The following ANKRD33B variants were observed in gnomAD, a reference collection of about 807,000 sequenced individuals.
ANKRD33B encodes the protein ankyrin repeat domain-containing protein 33B.
ANKRD33B carries 6 observed loss-of-function variants against 21.5 expected under a neutral mutation model. The ratio of observed to expected loss-of-function variants is 0.28; its 90% CI spans 0.15 to 0.55. The LOEUF is 0.55. ANKRD33B is among the 20% of genes least tolerant of loss of function. ANKRD33B has a pLI of 0.94. For missense variants in ANKRD33B, 698 were observed against 747.2 expected, an observed-to-expected ratio of 0.93 and a Z score of 0.77; for synonymous variants, 347 against 342.4, an observed-to-expected ratio of 1.01 and a Z score of -0.15.
In ANKRD33B at chr5:10,652,767, C is replaced by A; in HGVS notation, c.*2654C>A. On this transcript the variant is annotated 3_prime_UTR_variant, in exon 4 of 4. Coordinates refer to ENST00000296657, the MANE Select transcript of ANKRD33B (RefSeq NM_001164440.2). This position sits in a 1 kb window ranked among gnomAD's most constrained non-coding sequence, Gnocchi z 4.1. Reference sequence around the variant, plus strand: ...GGCCCTGCCCCCGATGTGTTCCAGCCTCATCCAGGTGCACAGGATACTCTG... The same window carrying A: ...GGCCCTGCCCCCGATGTGTTCCAGCATCATCCAGGTGCACAGGATACTCTG... 3.9e-6 allele frequency: 1 copy of A among 254,088 alleles called. No individual in the cohort carries two copies. Among genetic ancestry groups the A allele is most frequent in the Non-Finnish European group, 8.2e-6 (1 of 121,554 alleles). The allele number at this position is 254,088 out of a possible 1,614,324, so 15.7% of individuals were successfully genotyped here.
intron 1 of ANKRD33B, among the ~76,000 whole-genome samples, chr5:10,591,196 T>TTTTTTG (rs1491589126): frequency 1.7e-5 from 1 of 58,878 alleles, no homozygotes; most frequent in African/African-American, 6.6e-5. Context: ...TTTTTAGTGG[T>TTTTTTG]TTTTTTTTTT....
At position 10,624,114 on chromosome 5, in the gene ANKRD33B, G is replaced by A. The variant is rs552848006; in HGVS notation, c.496+5652G>A. Among the ~76,000 whole-genome samples, 38 of 146,760 alleles carry A rather than the reference G, an allele frequency of 2.6e-4. No homozygotes were observed. In the South Asian group the frequency reaches 7.5e-3, roughly 29 times the overall value. Reference sequence around the variant, plus strand: ...TTTTCTTTACTTCTTGTTTTCTTTCGTTCTTTCTTTCTTTTCTTTTTTTTT... The same window carrying A: ...TTTTCTTTACTTCTTGTTTTCTTTCATTCTTTCTTTCTTTTCTTTTTTTTT... On this transcript the variant is annotated intron_variant, in intron 2 of 3. Coordinates refer to ENST00000296657, the MANE Select transcript of ANKRD33B (RefSeq NM_001164440.2).
At chr5:10,593,513 G>T (rs921575020) in intron 1 of ANKRD33B, among the ~76,000 whole-genome samples, 1 of 151,922 alleles carries the variant, frequency 6.6e-6, no homozygotes, top group African/African-American at 2.4e-5. Flanking sequence ...GCCTTGTACT[G>T]TACCTCACCT....
chr5:10,590,902 A>G (rs1404663484), intron 1 of ANKRD33B, among the ~76,000 whole-genome samples: 1 of 152,128 alleles, frequency 6.6e-6, no homozygotes, highest in Non-Finnish European at 1.5e-5. Context: ...CAGGCCTGCA[A>G]GTCCTGGTCG....
chr5:10,612,270 T>C (rs1736188327), intron 1 of ANKRD33B, among the ~76,000 whole-genome samples: 1 of 152,226 alleles, frequency 6.6e-6, no homozygotes, highest in Admixed American at 6.5e-5. Flanking sequence ...TATTTCTCAC[T>C]GTTTGGAGGC....
intron 1 of ANKRD33B, among the ~76,000 whole-genome samples, chr5:10,606,565 C>T (rs1314560650): frequency 2.6e-5 from 4 of 152,044 alleles, no homozygotes; most frequent in African/African-American, 9.7e-5. Flanking sequence ...GAAGCCCTGT[C>T]TCTACTAAAA....
At position 10,655,223 on chromosome 5, in the gene ANKRD33B, G is replaced by A. The variant is rs1415883492; in HGVS notation, c.*5110G>A. On this transcript the variant is annotated 3_prime_UTR_variant, in exon 4 of 4. Transcript: ENST00000296657. ...ACCAGGTCTCAGGAGCGGAGACGAG[G>A]CTGTTGTGAGTGAAACAGAAGCCCC... 2.0e-5 allele frequency: 3 copies of A among 152,416 alleles called. No homozygotes were observed. Among genetic ancestry groups the A allele is most frequent in the Non-Finnish European group, 2.9e-5 (2 of 68,082 alleles). The allele number at this position is 152,416 out of a possible 1,614,324, so 9.4% of individuals were successfully genotyped here.
chr5:10,650,163 G>T lies in ANKRD33B; in HGVS notation c.*50G>T. 3 of 1,404,002 alleles carry T rather than the reference G, an allele frequency of 2.1e-6. No individual in the cohort carries two copies. Among genetic ancestry groups the T allele is most frequent in the Non-Finnish European group, 2.8e-6 (3 of 1,083,656 alleles). 87.0% of individuals were successfully genotyped at this position (1,404,002 alleles called of 1,614,324 possible). ...CCGGGGCTGGGGCCGGGGCGGGGCC[G>T]CAGGGCTGGGCGCGGAGAAGGAGGC... On this transcript the variant is annotated 3_prime_UTR_variant, in exon 4 of 4. Coordinates refer to ENST00000296657, the MANE Select transcript of ANKRD33B (RefSeq NM_001164440.2).
intron 1 of ANKRD33B, among the ~76,000 whole-genome samples, chr5:10,609,724 C>T (rs764909227): frequency 2.0e-5 from 3 of 152,134 alleles, no homozygotes; most frequent in Non-Finnish European, 4.4e-5. Flanking sequence ...GACTGGCCGA[C>T]GTGGTGAAAC....
chr5:10,571,492 GCCCCTGGCCT>G (rs2126544627), intron 1 of ANKRD33B, among the ~76,000 whole-genome samples: 1 of 152,230 alleles, frequency 6.6e-6, no homozygotes, highest in Non-Finnish European at 1.5e-5. Flanking sequence ...CTGTGCCACC[GCCCCTGGCCT>G]CTTGAGTATT....
intron 1 of ANKRD33B, among the ~76,000 whole-genome samples, chr5:10,587,639 G>A (rs950253471): frequency 1.3e-5 from 2 of 151,482 alleles, no homozygotes; most frequent in Non-Finnish European, 2.9e-5. Flanking sequence ...AGTACCTGGA[G>A]CTAATGATAG....
chr5:10,599,910 C>T (rs1045687635), intron 1 of ANKRD33B, among the ~76,000 whole-genome samples: 1 of 152,244 alleles, frequency 6.6e-6, no homozygotes, highest in African/African-American at 2.4e-5. Flanking sequence ...AACAACCAAG[C>T]TATTTTCCAC....
At position 10,574,916 on chromosome 5, in the gene ANKRD33B, C is replaced by CA. The variant is rs746283372; in HGVS notation, c.366+10097dup. 3.2e-3 allele frequency among the ~76,000 whole-genome samples: 103 copies of CA among 31,814 alleles called. 22 individuals carry two copies. The highest frequency in any genetic ancestry group is 0.015 in the Middle Eastern group (1 of 68). The allele number at this position is 31,814 out of a possible 152,430, so 20.9% of individuals were successfully genotyped here. A position where few individuals can be genotyped will look rare whatever the true frequency, so the allele number is the denominator to read the frequency against. On this transcript the variant is annotated intron_variant, in intron 1 of 3. Transcript: ENST00000296657. ...GCAACATAGCAAGACTTTGTCTCTACAAAAAAAAAAAAAATTAAAACTTAG... is the reference window on the plus strand; with the variant it reads ...GCAACATAGCAAGACTTTGTCTCTACAAAAAAAAAAAAAAATTAAAACTTAG...
Position 10,564,849 on chromosome 5 carries a change from C to T in ANKRD33B, c.366+16C>T, listed in dbSNP as rs768827215. The T allele has an allele frequency of 3.0e-4, 446 of 1,482,778 alleles. No individual in the cohort carries two copies. Among genetic ancestry groups the T allele is most frequent in the Non-Finnish European group, 3.6e-4 (401 of 1,116,744 alleles). The allele number at this position is 1,482,778 out of a possible 1,614,324, so 91.9% of individuals were successfully genotyped here. On this transcript the variant is annotated intron_variant, in intron 1 of 3. Transcript: ENST00000296657. ...CAACGGCAGGGTAAGCGGGCGTCCC[C>T]GCAGGATTTGAGCCCCCTCACTGCC... is the stretch of plus-strand genomic sequence containing the variant.
chr5:10,578,151 T>C (rs1182458646), intron 1 of ANKRD33B, among the ~76,000 whole-genome samples: 1 of 152,224 alleles, frequency 6.6e-6, no homozygotes, highest in East Asian at 1.9e-4. Flanking sequence ...GTACAGACCC[T>C]GTAGATGATC....
chr5:10,634,343 G>GA (rs1736803711), intron 2 of ANKRD33B, among the ~76,000 whole-genome samples: 1 of 118,536 alleles, frequency 8.4e-6, no homozygotes, highest in Non-Finnish European at 2.0e-5. Flanking sequence ...TATTGGTGGA[G>GA]AGGGGGTGTT....
At chr5:10,570,672 T>G (rs1028694181) in intron 1 of ANKRD33B, among the ~76,000 whole-genome samples, 2 of 152,168 alleles carry the variant, frequency 1.3e-5, no homozygotes, top group Non-Finnish European at 2.9e-5. Flanking sequence ...ACCTCCCACC[T>G]CAGCCTTCTG....
At chr5:10,632,588 C>T (rs549662903) in intron 2 of ANKRD33B, among the ~76,000 whole-genome samples, 58 of 152,188 alleles carry the variant, frequency 3.8e-4, no homozygotes, top group African/African-American at 1.4e-3. Context: ...TCCTCCTGCC[C>T]GGGGTTGGGG....
intron 1 of ANKRD33B, among the ~76,000 whole-genome samples, chr5:10,608,582 A>C (rs537769218): frequency 3.1e-4 from 47 of 152,156 alleles, no homozygotes; most frequent in African/African-American, 1.1e-3. Flanking sequence ...GGATGTGTTC[A>C]TATATTGTGC....
Sources: allele counts gnomAD v4.1 joint callset (sites outside exome capture counted in the v4.1 genomes callset), GRCh38; gene constraint gnomAD v4.1.1; non-coding constraint Gnocchi (gnomAD v3.1); transcripts MANE v1.5; gene names NCBI Gene and HGNC (gene_info 2026-07-23, HGNC 2026-07-21).